The following IFT74 variants were observed in gnomAD, a reference collection of about 807,000 sequenced individuals.
IFT74 encodes the protein intraflagellar transport 74, also known as intraflagellar transport protein 74 homolog.
Under a neutral mutation model 96.7 loss-of-function variants are expected in IFT74, and 92 were observed. That is an observed-to-expected ratio of 0.95 (90% CI 0.80 to 1.13). IFT74 has a LOEUF of 1.13. Among genes scored for constraint, IFT74 ranks in the 50% most tolerant of loss-of-function variants. IFT74 has a pLI of 0.00. For missense variants in IFT74, 811 were observed against 698.2 expected (o/e 1.16, Z -1.82); for synonymous variants, 223 against 213.2 (o/e 1.05, Z -0.40).
intron 12 of IFT74, among the ~76,000 whole-genome samples, chr9:27,025,717 A>G (rs1250214011): frequency 6.6e-6 from 1 of 152,178 alleles, no homozygotes. Context: ...TCAGCCAAGA[A>G]TTTTGTATCC....
intron 1 of IFT74, among the ~76,000 whole-genome samples, chr9:26,949,836 G>A (rs1011309911): frequency 1.3e-5 from 2 of 152,206 alleles, no homozygotes; most frequent in Non-Finnish European, 2.9e-5. Flanking sequence ...CATTTCTGAG[G>A]AGTGGGGTTC....
intron 16 of IFT74, among the ~76,000 whole-genome samples, chr9:27,053,996 C>G (rs1041550198): frequency 6.6e-6 from 1 of 152,186 alleles, no homozygotes; most frequent in African/African-American, 2.4e-5. Flanking sequence ...TTTACGTGTA[C>G]ATACACATAT....
rs148954325 is a variant in IFT74, at chr9:27,054,299, C to T, written c.1334-1310C>T. On this transcript the variant is annotated intron_variant, in intron 16 of 19. Coordinates refer to ENST00000380062, the MANE Select transcript of IFT74 (RefSeq NM_025103.4). Reference sequence around the variant, plus strand: ...TTTTTGCTGGAACACTTTTACCTTCCTCTTTGTGTGATATTCATAAACCTT... The same window carrying T: ...TTTTTGCTGGAACACTTTTACCTTCTTCTTTGTGTGATATTCATAAACCTT... 4.2e-3 allele frequency among the ~76,000 whole-genome samples: 635 copies of T among 152,216 alleles called. 6 individuals carry two copies. Among genetic ancestry groups the T allele is most frequent in the African/African-American group, 0.015 (618 of 41,556 alleles).
chr9:27,017,950 G>A (rs1049502350), intron 11 of IFT74, among the ~76,000 whole-genome samples: 4 of 152,130 alleles, frequency 2.6e-5, no homozygotes, highest in African/African-American at 7.2e-5. Context: ...CTTAGACTTA[G>A]ATCAAGCCCA....
At position 27,011,839 on chromosome 9, in the gene IFT74, C is replaced by A. The variant is rs1829093974; in HGVS notation, c.727-67C>A. 1.2e-5 allele frequency: 12 copies of A among 982,532 alleles called. No homozygotes were observed. In the South Asian group the frequency reaches 2.4e-4, roughly 20 times the overall value. 60.9% of individuals were successfully genotyped at this position (982,532 alleles called of 1,614,324 possible). A position where few individuals can be genotyped will look rare whatever the true frequency, so the allele number is the denominator to read the frequency against. ...AATAAATTTTTTTTCCCAGCTCCCT[C>A]CCCCCACTACAACAAATTATTCTTA... On this transcript the variant is annotated intron_variant, in intron 9 of 19. Coordinates refer to ENST00000380062, the MANE Select transcript of IFT74 (RefSeq NM_025103.4).
intron 16 of IFT74, among the ~76,000 whole-genome samples, chr9:27,054,917 C>T (rs1387822369): frequency 2.6e-5 from 4 of 152,120 alleles, no homozygotes; most frequent in South Asian, 4.1e-4. Context: ...CACATCATAG[C>T]CTTATGGAGA....
At chr9:26,973,008 A>G (rs1826943230) in intron 2 of IFT74, among the ~76,000 whole-genome samples, 1 of 152,192 alleles carries the variant, frequency 6.6e-6, no homozygotes, top group Non-Finnish European at 1.5e-5. Context: ...GAATTTGACC[A>G]AAGACGTTAG....
chr9:27,012,372 A>G (rs1278910338), intron 10 of IFT74, among the ~76,000 whole-genome samples: 1 of 151,978 alleles, frequency 6.6e-6, no homozygotes, highest in African/African-American at 2.4e-5. Flanking sequence ...TCAGGCAGGA[A>G]CCACCACACC....
intron 6 of IFT74, among the ~76,000 whole-genome samples, chr9:26,988,290 T>G (rs1297350687): frequency 6.6e-6 from 1 of 152,102 alleles, no homozygotes; most frequent in African/African-American, 2.4e-5. Context: ...CATTCCTCTC[T>G]CCTTGGGGAT....
intron 1 of IFT74, among the ~76,000 whole-genome samples, chr9:26,959,852 C>T (rs1826277057): frequency 6.6e-6 from 1 of 152,160 alleles, no homozygotes; most frequent in Non-Finnish European, 1.5e-5. Flanking sequence ...GAGGGTCCAG[C>T]TAAGATTTGT....
intron 8 of IFT74, chr9:26,999,471 A>G: frequency 2.2e-6 from 1 of 462,450 alleles, no homozygotes; most frequent in Non-Finnish European, 3.6e-6. Flanking sequence ...TCAAATTGGA[A>G]TTTGGATATA....
intron 1 of IFT74, among the ~76,000 whole-genome samples, chr9:26,960,241 A>G (rs1320419144): frequency 6.6e-6 from 1 of 151,924 alleles, no homozygotes; most frequent in African/African-American, 2.4e-5. Context: ...CTCTCATACT[A>G]GATTTTCCTC....
At position 27,060,595 on chromosome 9, in the gene IFT74, C is replaced by T; in HGVS notation, c.1628C>T (p.Thr543Ile). 1 of 1,586,808 alleles carries T rather than the reference C, an allele frequency of 6.3e-7. No individual in the cohort carries two copies. Among genetic ancestry groups the T allele is most frequent in the Non-Finnish European group, 8.6e-7 (1 of 1,162,982 alleles). ...ATTTTTCTTTTATGTTTTTAGCTTACAAATTTGGAGAGAAAGTGGCAACAC... is the reference window on the plus strand; with the variant it reads ...ATTTTTCTTTTATGTTTTTAGCTTATAAATTTGGAGAGAAAGTGGCAACAC... Reference protein sequence around the residue: ...LQENETHSQLTNLERKWQHLE... With the variant: ...LQENETHSQLINLERKWQHLE... Residue 543 changes from threonine to isoleucine, a missense_variant, in exon 19 of 20, where the codon ACA (threonine) becomes ATA (isoleucine). By Grantham distance (89) the Thr-to-Ile change is moderately conservative. Coordinates refer to ENST00000380062, the MANE Select transcript of IFT74 (RefSeq NM_025103.4).
chr9:26,967,273 T>C (rs2131496590), intron 2 of IFT74, among the ~76,000 whole-genome samples: 1 of 152,256 alleles, frequency 6.6e-6, no homozygotes, highest in East Asian at 1.9e-4. Flanking sequence ...TTCAGTTCAT[T>C]GCATCAGTGT....
chr9:26,978,434 C>T (rs1402149794), intron 3 of IFT74, among the ~76,000 whole-genome samples, 171 bp downstream of exon 3: 2 of 152,034 alleles, frequency 1.3e-5, no homozygotes, highest in African/African-American at 4.8e-5. Context: ...GTAATTATGG[C>T]ATGTAATCAG....
In IFT74 at chr9:27,042,847, T is replaced by G. The variant is rs369658380; in HGVS notation, c.1055-1895T>G. Among the ~76,000 whole-genome samples, 19 of 152,328 alleles carry G rather than the reference T, an allele frequency of 1.2e-4. No homozygotes were observed. The East Asian group carries it at 1.5e-3, about 12-fold the overall frequency. On this transcript the variant is annotated intron_variant, in intron 13 of 19. Coordinates refer to ENST00000380062, the MANE Select transcript of IFT74 (RefSeq NM_025103.4). ...CTTCACATGGGCAATGATATTTATA[T>G]GCACATCTTCCTCCTATAAGGGTAT...
intron 9 of IFT74, among the ~76,000 whole-genome samples, 200 bp from the exon 10 acceptor site, chr9:27,011,706 G>A (rs1329136495): frequency 6.7e-6 from 1 of 150,360 alleles, no homozygotes; most frequent in African/African-American, 2.4e-5. Context: ...AAGAAGTTGG[G>A]AAAAATAGAA....
At chr9:26,984,587 CTGTTAATATT>C (rs1313508244) in intron 6 of IFT74, 28 bp downstream of exon 6, 29 of 1,545,652 alleles carry the variant, frequency 1.9e-5, no homozygotes, top group Non-Finnish European at 2.3e-5. Flanking sequence ...AGAGAATTTA[CTGTTAATATT>C]TTCATTAGTT....
At chr9:27,057,248 G>T (rs946527712) in intron 18 of IFT74, among the ~76,000 whole-genome samples, 3 of 152,062 alleles carry the variant, frequency 2.0e-5, no homozygotes, top group Non-Finnish European at 4.4e-5. Flanking sequence ...CATAGGATGC[G>T]TAGATATATA....
Sources: allele counts gnomAD v4.1 joint callset (sites outside exome capture counted in the v4.1 genomes callset), GRCh38; gene constraint gnomAD v4.1.1; transcripts MANE v1.5; gene names NCBI Gene and HGNC (gene_info 2026-07-23, HGNC 2026-07-21).